Variants in CTNNA3 observed in about 807,000 individuals in gnomAD.
CTNNA3 encodes the protein catenin alpha-3.
Under a neutral mutation model 95.7 loss-of-function variants are expected in CTNNA3, and 76 were observed. That is an observed-to-expected ratio of 0.79 (90% CI 0.66 to 0.96). CTNNA3 has a LOEUF of 0.96. Ranked by LOEUF, CTNNA3 falls within the 40% of genes least tolerant of loss-of-function variation. The pLI, the probability that CTNNA3 is intolerant of heterozygous loss-of-function variation, is 0.00. For missense variants in CTNNA3, 1,191 were observed against 1,089.8 expected, an observed-to-expected ratio of 1.09 and a Z score of -1.31; for synonymous variants, 431 against 374.4, an observed-to-expected ratio of 1.15 and a Z score of -1.74.
chr10:67,209,112 G>T (rs1027091368), intron 6 of CTNNA3, among the ~76,000 whole-genome samples: 2 of 152,200 alleles, frequency 1.3e-5, no homozygotes, highest in South Asian at 4.1e-4. Context: ...CCAGTGGCAC[G>T]ATTTTGGCTC....
At chr10:66,594,189 A>G (rs1843638490) in intron 10 of CTNNA3, among the ~76,000 whole-genome samples, 5 of 151,354 alleles carry the variant, frequency 3.3e-5, no homozygotes, top group Admixed American at 3.3e-4. Flanking sequence ...AACCCCAGAG[A>G]GTCTACACCT....
At chr10:67,439,909 C>A (rs984200737) in intron 5 of CTNNA3, among the ~76,000 whole-genome samples, 1 of 152,172 alleles carries the variant, frequency 6.6e-6, no homozygotes, top group East Asian at 1.9e-4. Flanking sequence ...ATATTCCCAG[C>A]TGTGGGAACT....
intron 3 of CTNNA3, among the ~76,000 whole-genome samples, chr10:67,587,411 G>C (rs915533937): frequency 6.6e-6 from 1 of 152,086 alleles, no homozygotes; most frequent in African/African-American, 2.4e-5. Context: ...TGGTGGTGAT[G>C]AATTCTCTTA....
intron 5 of CTNNA3, among the ~76,000 whole-genome samples, chr10:67,424,071 T>G (rs1564639937): frequency 6.6e-6 from 1 of 152,144 alleles, no homozygotes; most frequent in Non-Finnish European, 1.5e-5. Context: ...GTGGGTCAAA[T>G]GTCAATTAAC....
At chr10:66,796,263 C>A (rs1841185866) in intron 7 of CTNNA3, among the ~76,000 whole-genome samples, 1 of 152,054 alleles carries the variant, frequency 6.6e-6, no homozygotes, top group Non-Finnish European at 1.5e-5. Flanking sequence ...TTCACTTGAA[C>A]ACTTAAAGGC....
chr10:67,724,675 C>T (rs951981985), intron 1 of CTNNA3, among the ~76,000 whole-genome samples: 1 of 152,182 alleles, frequency 6.6e-6, no homozygotes, highest in African/African-American at 2.4e-5. Context: ...GAATTTCAGC[C>T]AGCGTTCCAG....
At chr10:66,321,194 A>C (rs769470301) in intron 12 of CTNNA3, among the ~76,000 whole-genome samples, 5 of 152,114 alleles carry the variant, frequency 3.3e-5, no homozygotes, top group Non-Finnish European at 4.4e-5. Context: ...TCTTTGTTGA[A>C]TAGGTAAAAA....
intron 7 of CTNNA3, among the ~76,000 whole-genome samples, chr10:66,917,263 C>T (rs1011938530): frequency 2.0e-5 from 3 of 152,060 alleles, no homozygotes; most frequent in Admixed American, 2.0e-4. Flanking sequence ...TAAATTTTTG[C>T]TCGAGTTACA....
At chr10:67,387,340 G>C (rs959162964) in intron 5 of CTNNA3, among the ~76,000 whole-genome samples, 6 of 152,120 alleles carry the variant, frequency 3.9e-5, no homozygotes, top group African/African-American at 1.4e-4. Context: ...CGAATACTGC[G>C]CTTTTCCTAG....
At chr10:67,070,488 C>A (rs2131845945) in intron 7 of CTNNA3, among the ~76,000 whole-genome samples, 2 of 152,092 alleles carry the variant, frequency 1.3e-5, no homozygotes, top group East Asian at 1.9e-4. Flanking sequence ...GTGTCTCGTG[C>A]CTGTAATCTC....
chr10:67,743,385 A>G (rs983225877), intron 1 of CTNNA3, among the ~76,000 whole-genome samples: 2 of 151,294 alleles, frequency 1.3e-5, no homozygotes, highest in South Asian at 2.1e-4. Context: ...ATATAAACAG[A>G]ACCAAAGACA....
chr10:66,280,286 A>G (rs902361301), intron 13 of CTNNA3, among the ~76,000 whole-genome samples, 184 bp downstream of exon 13: 20 of 152,092 alleles, frequency 1.3e-4, no homozygotes, highest in African/African-American at 4.6e-4. Flanking sequence ...AACCAAATAC[A>G]TAAGTAAAAG....
At chr10:66,082,717 A>T (rs1305033897) in intron 14 of CTNNA3, among the ~76,000 whole-genome samples, 2 of 152,166 alleles carry the variant, frequency 1.3e-5, no homozygotes, top group Non-Finnish European at 2.9e-5. Context: ...TTATAAAATT[A>T]CTTCAAAATA....
At chr10:66,988,520 G>C (rs965565814) in intron 7 of CTNNA3, among the ~76,000 whole-genome samples, 2 of 151,902 alleles carry the variant, frequency 1.3e-5, no homozygotes, top group African/African-American at 4.8e-5. Context: ...TTTTTATTTG[G>C]CAGTCACTTT....
intron 5 of CTNNA3, among the ~76,000 whole-genome samples, chr10:67,443,019 C>G (rs1490348328): frequency 7.1e-6 from 1 of 141,732 alleles, no homozygotes; most frequent in Non-Finnish European, 1.5e-5. Context: ...TTGTTCAATT[C>G]CCATCTATGA....
chr10:66,244,764 A>G (rs558661322), intron 13 of CTNNA3, among the ~76,000 whole-genome samples: 1 of 152,186 alleles, frequency 6.6e-6, no homozygotes, highest in Non-Finnish European at 1.5e-5. Flanking sequence ...CCTTCCCAAG[A>G]AAGATGGGTA....
intron 7 of CTNNA3, among the ~76,000 whole-genome samples, chr10:67,079,127 A>G (rs1022255373): frequency 6.6e-6 from 1 of 152,254 alleles, no homozygotes; most frequent in African/African-American, 2.4e-5. Context: ...AGTTTCAGAG[A>G]CAAGATTTGC....
At chr10:67,209,020 A>C (rs565207007) in intron 6 of CTNNA3, among the ~76,000 whole-genome samples, 1 of 151,468 alleles carries the variant, frequency 6.6e-6, no homozygotes, top group South Asian at 2.1e-4. Flanking sequence ...TTCTAAATCT[A>C]ATAATATAAG....
At chr10:67,295,992 G>A (rs762250314) in intron 5 of CTNNA3, among the ~76,000 whole-genome samples, 2 of 152,142 alleles carry the variant, frequency 1.3e-5, no homozygotes, top group Non-Finnish European at 2.9e-5. Flanking sequence ...CTAAGGGAGG[G>A]TCCATAGTAG....
Sources: allele counts gnomAD v4.1 joint callset (sites outside exome capture counted in the v4.1 genomes callset), GRCh38; gene constraint gnomAD v4.1.1; transcripts MANE v1.5; gene names NCBI Gene and HGNC (gene_info 2026-07-23, HGNC 2026-07-21).